Variants in SEMA6D observed in about 807,000 individuals in gnomAD.
The protein encoded by SEMA6D is semaphorin-6D.
Under a neutral mutation model 106.6 loss-of-function variants are expected in SEMA6D, and 35 were observed. The observed-to-expected ratio is 0.33, with a 90% confidence interval of 0.25 to 0.44. The LOEUF (loss-of-function observed/expected upper bound fraction) is 0.44. Among genes scored for constraint, SEMA6D ranks in the 20% least tolerant of loss-of-function variants. SEMA6D has a pLI of 1.00. For missense variants in SEMA6D, 1,185 were observed against 1,345.9 expected, an observed-to-expected ratio of 0.88 and a Z score of 1.87; for synonymous variants, 499 against 487.7, an observed-to-expected ratio of 1.02 and a Z score of -0.31.
intron 4 of SEMA6D, among the ~76,000 whole-genome samples, chr15:47,694,364 G>A (rs1418139913): frequency 6.6e-6 from 1 of 151,948 alleles, no homozygotes; most frequent in Non-Finnish European, 1.5e-5. Context: ...GAAATTCATT[G>A]GTCTACCTCA....
chr15:47,612,071 A>G (rs995109129), intron 4 of SEMA6D, among the ~76,000 whole-genome samples: 9 of 152,144 alleles, frequency 5.9e-5, no homozygotes, highest in Non-Finnish European at 1.2e-4. Context: ...ATAAAGTGGA[A>G]TTAGTTGGTT....
rs201817469 is a variant in SEMA6D, at chr15:47,254,329, G to GTATATATATA, written c.-239+69912_-239+69913insATATATATAT. 3.3e-3 allele frequency among the ~76,000 whole-genome samples: 436 copies of GTATATATATA among 132,652 alleles called. 1 individual carries two copies. The highest frequency in any genetic ancestry group is 5.5e-3 in the Non-Finnish European group (331 of 60,660). The allele number at this position is 132,652 out of a possible 152,430, so 87.0% of individuals were successfully genotyped here. The stretch of plus-strand genomic sequence containing the variant: ...TATATATGTATATATATGTGTGTGT[G>GTATATATATA]TGTATATATATATATATATATATAA... On this transcript the variant is annotated intron_variant, in intron 1 of 19. Transcript: ENST00000558014.
chr15:47,603,616 G>A (rs1353887162), intron 4 of SEMA6D, among the ~76,000 whole-genome samples: 3 of 152,014 alleles, frequency 2.0e-5, no homozygotes, highest in Non-Finnish European at 2.9e-5. Flanking sequence ...TTCATTGTGC[G>A]TGTCTAAAAT....
In SEMA6D at chr15:47,707,090, CA is replaced by C. The variant is rs1484223424; in HGVS notation, c.-54-52653del. On this transcript the variant is annotated intron_variant, in intron 4 of 19. Transcript: ENST00000558014. ...TTATAGCATTTTATCATCTGGCTGT[CA>C]AGAGGTGATTCTTTTTCCTCTGAAA... Among the ~76,000 whole-genome samples the C allele has an allele frequency of 9.8e-5, 15 of 152,316 alleles. No individual in the cohort carries two copies. The East Asian group carries it at 2.9e-3, about 29-fold the overall frequency.
At chr15:47,705,441 T>C (rs1228021223) in intron 4 of SEMA6D, among the ~76,000 whole-genome samples, 1 of 152,240 alleles carries the variant, frequency 6.6e-6, no homozygotes, top group African/African-American at 2.4e-5. Flanking sequence ...AAACTGAAAG[T>C]TGGAATTGTT....
chr15:47,586,836 G>T (rs1306871353), intron 3 of SEMA6D, among the ~76,000 whole-genome samples: 1 of 148,558 alleles, frequency 6.7e-6, no homozygotes, highest in Non-Finnish European at 1.5e-5. Flanking sequence ...CTTATTTTTT[G>T]CTAGAACTGT....
intron 1 of SEMA6D, among the ~76,000 whole-genome samples, chr15:47,374,842 G>T (rs943092808): frequency 6.6e-6 from 1 of 152,144 alleles, no homozygotes; most frequent in Non-Finnish European, 1.5e-5. Flanking sequence ...CACTGAGGCT[G>T]AGTGGGAAAG....
chr15:47,221,236 T>C (rs2031174791), intron 1 of SEMA6D, among the ~76,000 whole-genome samples: 1 of 152,200 alleles, frequency 6.6e-6, no homozygotes, highest in African/African-American at 2.4e-5. Flanking sequence ...TTGGTGCCAA[T>C]TCACCTAAAG....
intron 4 of SEMA6D, among the ~76,000 whole-genome samples, chr15:47,699,853 G>C (rs79578124): frequency 0.044 from 6,762 of 152,280 alleles, 414 homozygotes; most frequent in South Asian, 0.13. Flanking sequence ...CTTTGCAGAT[G>C]ACATGATCAT....
At chr15:47,565,288 T>C (rs1235834577) in intron 3 of SEMA6D, among the ~76,000 whole-genome samples, 2 of 152,168 alleles carry the variant, frequency 1.3e-5, no homozygotes, top group Non-Finnish European at 2.9e-5. Flanking sequence ...CCCCAGCTCC[T>C]GCACCCACTC....
chr15:47,328,390 C>T (rs897533990), intron 1 of SEMA6D, among the ~76,000 whole-genome samples: 1 of 152,072 alleles, frequency 6.6e-6, no homozygotes, highest in African/African-American at 2.4e-5. Flanking sequence ...ATTTTCCCAC[C>T]CAGGAGAAAT....
chr15:47,763,966 A>G lies in SEMA6D; in HGVS notation c.864A>G (p.Gly288=), dbSNP rs768730616. Residue 288 remains glycine, a synonymous_variant, in exon 10 of 19, where the codon GGA becomes GGG. Coordinates refer to ENST00000536845, the MANE Select transcript of SEMA6D (RefSeq NM_001358351.3). ...LKARLNCSVP[G]DSFFYFDVLQ... is the part of the protein sequence containing the mutation. Reference sequence around the variant, plus strand: ...CTCGGCTGAACTGTTCTGTCCCTGGAGATTCGTTTTTCTACTTTGATGTTC... The same window carrying G: ...CTCGGCTGAACTGTTCTGTCCCTGGGGATTCGTTTTTCTACTTTGATGTTC... The G allele has an allele frequency of 3.7e-6, 6 of 1,613,794 alleles. No homozygotes were observed. Among genetic ancestry groups the G allele is most frequent in the African/African-American group, 1.3e-5 (1 of 74,880 alleles).
intron 1 of SEMA6D, among the ~76,000 whole-genome samples, chr15:47,312,450 T>C (rs1421643372): frequency 6.6e-6 from 1 of 152,206 alleles, no homozygotes; most frequent in African/African-American, 2.4e-5. Flanking sequence ...CTCGCCATGA[T>C]CTGTCAAAAT....
chr15:47,615,075 A>T (rs2076982070), intron 4 of SEMA6D, among the ~76,000 whole-genome samples: 1 of 152,226 alleles, frequency 6.6e-6, no homozygotes, highest in Non-Finnish European at 1.5e-5. Flanking sequence ...TCCCAGGGGC[A>T]TTCTAAAAAT....
intron 4 of SEMA6D, among the ~76,000 whole-genome samples, chr15:47,620,524 A>G (rs2077079227): frequency 1.3e-5 from 2 of 152,022 alleles, no homozygotes; most frequent in Admixed American, 6.6e-5. Flanking sequence ...TGACTTATTG[A>G]TCTGGTCCTG....
intron 3 of SEMA6D, among the ~76,000 whole-genome samples, chr15:47,561,089 T>G (rs1596320467): frequency 6.7e-6 from 1 of 149,946 alleles, no homozygotes; most frequent in Non-Finnish European, 1.5e-5. Flanking sequence ...GAGGAAATAA[T>G]GGTTTAAAAC....
intron 3 of SEMA6D, among the ~76,000 whole-genome samples, chr15:47,488,572 T>C (rs566498673): frequency 6.6e-6 from 1 of 152,172 alleles, no homozygotes; most frequent in Non-Finnish European, 1.5e-5. Context: ...TTCATGGAGC[T>C]TTATAATCTT....
chr15:47,746,982 GTGTATA>G (rs1394419174), intron 1 of SEMA6D, among the ~76,000 whole-genome samples: 18 of 89,866 alleles, frequency 2.0e-4, no homozygotes, highest in Middle Eastern at 5.9e-3. Flanking sequence ...GTGTGTGTGT[GTGTATA>G]TATATATATA....
chr15:47,649,119 C>T (rs1412303872), intron 4 of SEMA6D, among the ~76,000 whole-genome samples: 2 of 152,070 alleles, frequency 1.3e-5, no homozygotes, highest in Non-Finnish European at 2.9e-5. Context: ...TAAGGTCCTT[C>T]CTGCAGCTCT....
Sources: gnomAD v4.1 joint callset for allele counts (sites outside exome capture counted in the v4.1 genomes callset) on GRCh38, gnomAD v4.1.1 for gene constraint, MANE v1.5 for transcripts, NCBI Gene and HGNC (gene_info 2026-07-23, HGNC 2026-07-21) for gene names.